IFT74: variants seen among roughly 807,000 people sequenced by gnomAD.
The protein encoded by IFT74 is intraflagellar transport 74.
In IFT74, 92 loss-of-function variants were observed where a neutral mutation model predicts 96.7. The ratio of observed to expected loss-of-function variants is 0.95; its 90% CI spans 0.80 to 1.13. The LOEUF (loss-of-function observed/expected upper bound fraction) is 1.13, where lower values mean the gene tolerates loss of function less well. Ranked by LOEUF, IFT74 falls within the 50% of genes most tolerant of loss-of-function variation. IFT74 has a pLI of 0.00. For synonymous variants in IFT74, 223 were observed against 213.2 expected (o/e 1.05, Z -0.40); for missense variants, 811 against 698.2 (o/e 1.16, Z -1.82).
intron 12 of IFT74, among the ~76,000 whole-genome samples, chr9:27,027,743 G>T (rs1429359404): frequency 2.0e-5 from 3 of 151,878 alleles, no homozygotes; most frequent in African/African-American, 7.3e-5. Context: ...ATTTTCCCTT[G>T]TTCTATGAAT....
chr9:26,995,070 A>G (rs1389038807), intron 8 of IFT74: 1 of 152,416 alleles, frequency 6.6e-6, no homozygotes, highest in Non-Finnish European at 1.5e-5. Flanking sequence ...GCATAAAATC[A>G]ATCTTAGTGT....
chr9:27,060,746 C>G (rs1040650425), intron 19 of IFT74, 95 bp downstream of exon 19: 17 of 771,500 alleles, frequency 2.2e-5, no homozygotes, highest in Non-Finnish European at 2.9e-5. Context: ...GCCACAAGGT[C>G]AGGAGATTGA....
intron 2 of IFT74, among the ~76,000 whole-genome samples, chr9:26,967,523 T>C (rs1385083676): frequency 6.6e-6 from 1 of 152,174 alleles, no homozygotes. Flanking sequence ...AAATATAAGA[T>C]CATATCATCT....
rs575407083 is a variant in IFT74 at position 27,064,638 on chromosome 9, G to A, written c.*1902G>A. ...CTCTTAATCACATTGATTCTATTTC[G>A]TGGATACTTCCAAGGAGGAAGGGAA... is the stretch of plus-strand genomic sequence containing the variant. On this transcript the variant is annotated 3_prime_UTR_variant, in exon 20 of 20. Coordinates refer to ENST00000380062, the MANE Select transcript of IFT74 (RefSeq NM_025103.4). Among the ~76,000 whole-genome samples the A allele has an allele frequency of 2.6e-5, 4 of 152,188 alleles. No homozygotes were observed. Among genetic ancestry groups the A allele is most frequent in the African/African-American group, 7.2e-5 (3 of 41,534 alleles).
At chr9:27,016,342 A>G (rs142118747) in intron 10 of IFT74, among the ~76,000 whole-genome samples, 1 of 152,278 alleles carries the variant, frequency 6.6e-6, no homozygotes, top group East Asian at 1.9e-4. Flanking sequence ...GGGCACCATC[A>G]TATTGGATTA....
intron 6 of IFT74, 34 bp downstream of exon 6, chr9:26,984,593 A>G (rs374402991): frequency 1.3e-6 from 2 of 1,518,116 alleles, no homozygotes; most frequent in Non-Finnish European, 1.8e-6. Context: ...TTTACTGTTA[A>G]TATTTTCATT....
At chr9:27,003,486 G>A (rs1207533280) in intron 8 of IFT74, among the ~76,000 whole-genome samples, 1 of 151,878 alleles carries the variant, frequency 6.6e-6, no homozygotes, top group East Asian at 1.9e-4. Flanking sequence ...TCATGCCACT[G>A]TGCTCCAGCC....
At chr9:27,021,495 A>G (rs1239829860) in intron 12 of IFT74, among the ~76,000 whole-genome samples, 2 of 152,028 alleles carry the variant, frequency 1.3e-5, no homozygotes, top group Non-Finnish European at 2.9e-5. Context: ...ACCAACATCT[A>G]TTTTTAAAAA....
At chr9:27,038,407 C>T (rs1053646805) in intron 13 of IFT74, among the ~76,000 whole-genome samples, 1 of 152,112 alleles carries the variant, frequency 6.6e-6, no homozygotes, top group Non-Finnish European at 1.5e-5. Context: ...GAATTACAGG[C>T]ACATGCCACC....
chr9:26,948,186 C>T (rs1825807260), intron 1 of IFT74, among the ~76,000 whole-genome samples: 1 of 152,092 alleles, frequency 6.6e-6, no homozygotes, highest in African/African-American at 2.4e-5. Flanking sequence ...GCTATCATAT[C>T]CCCTCCCTGG....
At chr9:26,952,145 C>T (rs1178284164), upstream of IFT74, among the ~76,000 whole-genome samples, 2 of 152,068 alleles carry the variant, frequency 1.3e-5, no homozygotes, top group South Asian at 2.1e-4. Context: ...CATTTAAGGA[C>T]ACTTTTTCCT....
chr9:27,061,763 A>G (rs186856453), intron 19 of IFT74, among the ~76,000 whole-genome samples: 254 of 151,586 alleles, frequency 1.7e-3, no homozygotes, highest in African/African-American at 5.7e-3. Context: ...CTGGGCAGCA[A>G]AGGGAGGTAA....
intron 16 of IFT74, among the ~76,000 whole-genome samples, chr9:27,049,104 C>G (rs899906427): frequency 6.6e-6 from 1 of 152,132 alleles, no homozygotes; most frequent in Non-Finnish European, 1.5e-5. Flanking sequence ...CATGCAGGCT[C>G]CCCTTTGCCT....
chr9:27,029,435 TAG>T (rs1830020194), intron 13 of IFT74, among the ~76,000 whole-genome samples: 1 of 152,144 alleles, frequency 6.6e-6, no homozygotes, highest in African/African-American at 2.4e-5. Context: ...TTCCTAGTAA[TAG>T]TCAATAGTTT....
At chr9:27,004,607 T>G (rs138393266) in intron 8 of IFT74, among the ~76,000 whole-genome samples, 65 of 152,340 alleles carry the variant, frequency 4.3e-4, no homozygotes, top group African/African-American at 1.4e-3. Context: ...ATGCAGAAAT[T>G]ATCCATCAGT....
chr9:27,013,126 A>G (rs1198771765), intron 10 of IFT74, among the ~76,000 whole-genome samples: 1 of 152,144 alleles, frequency 6.6e-6, no homozygotes, highest in Non-Finnish European at 1.5e-5. Context: ...CATCATCTTC[A>G]TGTAATCCCC....
intron 13 of IFT74, chr9:27,036,574 G>A: frequency 1.3e-6 from 2 of 1,591,670 alleles, no homozygotes; most frequent in South Asian, 1.1e-5. Context: ...CCCTGCTATA[G>A]CCTCCCATTG....
chr9:26,951,895 C>G (rs1825947488), upstream of IFT74, among the ~76,000 whole-genome samples: 2 of 150,400 alleles, frequency 1.3e-5, no homozygotes, highest in South Asian at 2.1e-4. Context: ...AAGACTCTCT[C>G]AAAAAAAAAC....
intron 11 of IFT74, among the ~76,000 whole-genome samples, chr9:27,018,229 T>G (rs1255284724): frequency 6.6e-6 from 1 of 152,250 alleles, no homozygotes; most frequent in African/African-American, 2.4e-5. Context: ...ATATTCCAAA[T>G]ATTACATGGT....
Sources: allele counts gnomAD v4.1 joint callset (sites outside exome capture counted in the v4.1 genomes callset), GRCh38; gene constraint gnomAD v4.1.1; transcripts MANE v1.5; gene names NCBI Gene and HGNC (gene_info 2026-07-23, HGNC 2026-07-21).